Variants in DAB1 observed in about 807,000 individuals in gnomAD.
DAB1 encodes the protein disabled homolog 1.
Under a neutral mutation model 64.6 loss-of-function variants are expected in DAB1, and 15 were observed. The observed-to-expected ratio is 0.23, with a 90% CI of 0.16 to 0.36. The LOEUF is 0.36. DAB1 is among the 10% of genes least tolerant of loss of function. The pLI, the probability that DAB1 is intolerant of heterozygous loss-of-function variation, is 1.00. For synonymous variants in DAB1, 235 were observed against 251.9 expected (o/e 0.93, Z 0.64); for missense variants, 596 against 706.7 (o/e 0.84, Z 1.78).
chr1:57,383,623 A>G (rs1276983108), intron 1 of DAB1, among the ~76,000 whole-genome samples: 1 of 152,204 alleles, frequency 6.6e-6, no homozygotes, highest in East Asian at 1.9e-4. Flanking sequence ...TAGAAGGTCA[A>G]ATGATTTTTG....
At chr1:58,487,595 G>C (rs897195207) in intron 3 of DAB1, among the ~76,000 whole-genome samples, 1 of 152,056 alleles carries the variant, frequency 6.6e-6, no homozygotes, top group East Asian at 1.9e-4. Flanking sequence ...TCCCATCAGG[G>C]CTAGGCGTCC....
intron 3 of DAB1, among the ~76,000 whole-genome samples, chr1:58,492,008 G>C (rs1234462267): frequency 6.6e-6 from 1 of 152,098 alleles, no homozygotes; most frequent in Non-Finnish European, 1.5e-5. Context: ...TGACCACATA[G>C]TTGGAAGTAA....
chr1:58,137,206 T>A, intron 5 of DAB1, among the ~76,000 whole-genome samples: 1 of 152,358 alleles, frequency 6.6e-6, no homozygotes, highest in East Asian at 1.9e-4. Flanking sequence ...TAAAATCTTA[T>A]AGGATGTCAT....
intron 5 of DAB1, among the ~76,000 whole-genome samples, chr1:58,136,490 T>C (rs370185573): frequency 6.6e-6 from 1 of 152,318 alleles, no homozygotes; most frequent in East Asian, 1.9e-4. Context: ...GTAAGAAAGC[T>C]GAGCTCACTA....
intron 1 of DAB1, among the ~76,000 whole-genome samples, chr1:57,298,264 A>T (rs751615150): frequency 6.6e-6 from 1 of 152,174 alleles, no homozygotes. Context: ...CAGGAACCCA[A>T]TGGCAGCAGT....
chr1:57,992,715 G>C (rs2100380085), intron 5 of DAB1, among the ~76,000 whole-genome samples: 1 of 152,126 alleles, frequency 6.6e-6, no homozygotes, highest in South Asian at 2.1e-4. Flanking sequence ...CATTTTACAT[G>C]GAATTTTAGG....
intron 4 of DAB1, among the ~76,000 whole-genome samples, chr1:58,276,147 G>T (rs1661437649): frequency 6.6e-6 from 1 of 152,190 alleles, no homozygotes; most frequent in Non-Finnish European, 1.5e-5. Flanking sequence ...AATGGTGGTT[G>T]CCAAGGGCTG....
At chr1:58,129,190 CTG>C (rs1469434101) in intron 5 of DAB1, among the ~76,000 whole-genome samples, 4 of 149,170 alleles carry the variant, frequency 2.7e-5, no homozygotes, top group Non-Finnish European at 5.9e-5. Context: ...TCTTGGGAGA[CTG>C]TATGTGTCCA....
At chr1:57,601,524 C>T (rs369031962) in intron 7 of DAB1, among the ~76,000 whole-genome samples, 5 of 152,134 alleles carry the variant, frequency 3.3e-5, no homozygotes, top group African/African-American at 9.6e-5. Flanking sequence ...GCTGAGATTG[C>T]GCCTCCAGAC....
At chr1:57,828,283 G>C (rs1237426928) in intron 1 of DAB1, among the ~76,000 whole-genome samples, 1 of 152,228 alleles carries the variant, frequency 6.6e-6, no homozygotes, top group Non-Finnish European at 1.5e-5. Flanking sequence ...CTGAAGTTCA[G>C]AGAGGTTAAA....
intron 1 of DAB1, among the ~76,000 whole-genome samples, chr1:57,296,994 G>C (rs752470842): frequency 7.9e-5 from 12 of 152,174 alleles, no homozygotes; most frequent in Non-Finnish European, 1.2e-4. Flanking sequence ...ACAAAACGTT[G>C]TTAACAAAAT....
chr1:57,291,097 TC>T lies in DAB1; in HGVS notation c.-68del. 2 of 1,078,326 alleles carry T rather than the reference TC, an allele frequency of 1.9e-6. No individual in the cohort carries two copies. The highest frequency in any genetic ancestry group is 3.0e-5 in the South Asian group (2 of 66,572). The allele number at this position is 1,078,326 out of a possible 1,614,324, so 66.8% of individuals were successfully genotyped here. On this transcript the variant is annotated 5_prime_UTR_variant, in exon 2 of 15. An upstream open reading frame in the 5' UTR gains an earlier in-frame stop. Transcript: ENST00000371236. ...CGGCCAGGCTCATTGAGGACTCTTCTCCAAGAGAAAGACTCCTCCCTTCAGA... is the reference window on the plus strand; with the variant it reads ...CGGCCAGGCTCATTGAGGACTCTTCTCAAGAGAAAGACTCCTCCCTTCAGA...
At chr1:58,370,262 A>C (rs1644252245) in intron 3 of DAB1, among the ~76,000 whole-genome samples, 1 of 152,200 alleles carries the variant, frequency 6.6e-6, no homozygotes, top group Admixed American at 6.5e-5. Context: ...ATAGGTCCTC[A>C]ACACATAATG....
At chr1:57,855,934 G>C (rs546734419) in intron 1 of DAB1, among the ~76,000 whole-genome samples, 1 of 152,188 alleles carries the variant, frequency 6.6e-6, no homozygotes, top group Non-Finnish European at 1.5e-5. Flanking sequence ...CAAGACGCTA[G>C]CTTGAATGAG....
At chr1:57,104,296 C>T (rs1427361397) in intron 4 of DAB1, among the ~76,000 whole-genome samples, 1 of 151,776 alleles carries the variant, frequency 6.6e-6, no homozygotes, top group Non-Finnish European at 1.5e-5. Context: ...CACAAGTGGC[C>T]CAAAGCAGGC....
intron 5 of DAB1, among the ~76,000 whole-genome samples, chr1:57,977,346 T>C (rs1052726227): frequency 6.6e-6 from 1 of 152,212 alleles, no homozygotes; most frequent in African/African-American, 2.4e-5. Context: ...CCCTGATTAA[T>C]CCCTGTCTTC....
At chr1:57,464,012 C>T (rs903500026) in intron 7 of DAB1, among the ~76,000 whole-genome samples, 2 of 152,154 alleles carry the variant, frequency 1.3e-5, no homozygotes, top group African/African-American at 2.4e-5. Flanking sequence ...TGGGAGAAAA[C>T]ATCAGGAAGC....
chr1:58,523,456 T>C (rs1315453060), intron 2 of DAB1, among the ~76,000 whole-genome samples: 1 of 152,200 alleles, frequency 6.6e-6, no homozygotes, highest in African/African-American at 2.4e-5. Flanking sequence ...TAAAGTACCC[T>C]GTTGTACTGA....
intron 2 of DAB1, among the ~76,000 whole-genome samples, chr1:57,289,703 C>G (rs1427053247): frequency 6.6e-6 from 1 of 152,106 alleles, no homozygotes; most frequent in African/African-American, 2.4e-5. Context: ...ATGTCTCAAA[C>G]AAATCACTGC....
Sources: gnomAD v4.1 joint callset for allele counts (sites outside exome capture counted in the v4.1 genomes callset) on GRCh38, gnomAD v4.1.1 for gene constraint, MANE v1.5 for transcripts, NCBI Gene and HGNC (gene_info 2026-07-23, HGNC 2026-07-21) for gene names.